The following SERINC5 variants were observed in gnomAD, a reference collection of about 807,000 sequenced individuals.
SERINC5 encodes serine incorporator 5.
A neutral mutation model predicts 63.1 loss-of-function variants in SERINC5; 41 were observed. The observed-to-expected ratio is 0.65, with a 90% CI of 0.51 to 0.84. The LOEUF is 0.84. SERINC5 is among the 40% of genes least tolerant of loss of function. SERINC5 has a pLI of 0.00. For synonymous variants in SERINC5, 222 were observed against 215.2 expected, an observed-to-expected ratio of 1.03 and a Z score of -0.28; for missense variants, 523 against 573.0, an observed-to-expected ratio of 0.91 and a Z score of 0.89.
At chr5:80,255,781 G>T (rs531395266) in intron 1 of SERINC5, 115 bp downstream of exon 1, 1 of 943,544 alleles carries the variant, frequency 1.1e-6, no homozygotes. Context: ...CGACCCACCC[G>T]GGCCCTACGT....
rs183941066 is a variant in SERINC5 at position 80,196,784 on chromosome 5, T to C, written c.195+6102A>G. On this transcript the variant is annotated intron_variant, in intron 2 of 11. Coordinates refer to ENST00000507668, the MANE Select transcript of SERINC5 (RefSeq NM_001174072.3). ...TGAAACCCTGTCTCTACCAAAAATA[T>C]AAAAAATTAACCGGGCCTGGTAGTG... 6.9e-3 allele frequency among the ~76,000 whole-genome samples: 1,044 copies of C among 150,914 alleles called. 13 individuals are homozygous for C. The highest frequency in any genetic ancestry group is 8.2e-3 in the Non-Finnish European group (557 of 67,668).
intron 12 of SERINC5, among the ~76,000 whole-genome samples, chr5:80,112,203 G>C (rs1399126737): frequency 6.6e-6 from 1 of 152,164 alleles, no homozygotes; most frequent in African/African-American, 2.4e-5. Context: ...GAATGTCTCG[G>C]TATAAAACCC....
At chr5:80,187,837 G>T (rs142249456) in intron 2 of SERINC5, among the ~76,000 whole-genome samples, 106 of 152,330 alleles carry the variant, frequency 7.0e-4, no homozygotes, top group African/African-American at 2.3e-3. Flanking sequence ...TAAGCAGCCA[G>T]AAAGCAACTC....
At chr5:80,198,997 T>C (rs564316884) in intron 2 of SERINC5, among the ~76,000 whole-genome samples, 1 of 152,328 alleles carries the variant, frequency 6.6e-6, no homozygotes, top group African/African-American at 2.4e-5. Context: ...CTGCCACCAC[T>C]ACCTCTAGGC....
chr5:80,115,406 C>T (rs553635380), intron 11 of SERINC5, among the ~76,000 whole-genome samples: 1 of 152,150 alleles, frequency 6.6e-6, no homozygotes, highest in East Asian at 1.9e-4. Flanking sequence ...ACTGTAGTTG[C>T]TTATTATGAA....
intron 9 of SERINC5, among the ~76,000 whole-genome samples, chr5:80,149,155 T>G (rs1335586990): frequency 6.6e-6 from 1 of 152,158 alleles, no homozygotes; most frequent in East Asian, 1.9e-4. Context: ...AAGAAAAACA[T>G]CCTCTCTTAA....
intron 1 of SERINC5, among the ~76,000 whole-genome samples, chr5:80,241,726 A>C (rs978614673): frequency 2.6e-5 from 4 of 152,122 alleles, no homozygotes; most frequent in African/African-American, 9.7e-5. Context: ...AGGAATAAAA[A>C]AAAGAAGGGG....
intron 1 of SERINC5, among the ~76,000 whole-genome samples, chr5:80,233,805 CTTT>C (rs373920343): frequency 0.013 from 888 of 69,746 alleles, 1 homozygote; most frequent in African/African-American, 0.052. Context: ...TCAACTTTTA[CTTT>C]TTTTTTTTTT....
intron 11 of SERINC5, chr5:80,128,881 T>C (rs1460733869): frequency 6.6e-6 from 1 of 152,240 alleles, no homozygotes; most frequent in African/African-American, 2.4e-5. Flanking sequence ...CTTCCACAAT[T>C]GCTCCTCTGC....
chr5:80,209,688 GGTT>G (rs1750341054), intron 1 of SERINC5, among the ~76,000 whole-genome samples: 1 of 152,112 alleles, frequency 6.6e-6, no homozygotes. Flanking sequence ...CTCCTGGTTG[GGTT>G]TTTACCATGT....
At chr5:80,121,373 T>A (rs1744536845) in intron 11 of SERINC5, among the ~76,000 whole-genome samples, 1 of 152,128 alleles carries the variant, frequency 6.6e-6, no homozygotes, top group African/African-American at 2.4e-5. Flanking sequence ...AGAGTTGGTG[T>A]GGTGGTGAGG....
At chr5:80,111,480 G>A (rs1387477876), downstream of SERINC5, among the ~76,000 whole-genome samples, 1 of 152,204 alleles carries the variant, frequency 6.6e-6, no homozygotes, top group Non-Finnish European at 1.5e-5. Flanking sequence ...GGCTTTGGGT[G>A]CTATCAACCA....
intron 1 of SERINC5, among the ~76,000 whole-genome samples, chr5:80,222,868 C>T (rs1311475857): frequency 1.3e-5 from 2 of 151,814 alleles, no homozygotes; most frequent in African/African-American, 4.8e-5. Flanking sequence ...GCCACCATAC[C>T]GGCCAGTTTT....
chr5:80,133,187 AGCCGAGCAGAT>A lies in SERINC5; in HGVS notation c.1238+12892_1238+12902del, dbSNP rs539371008. ...AAAAGCTCACTGAGGCCTCTCCAGA[AGCCGAGCAGAT>A]GCCAGTACCAATGCTTATACTGCCT... On this transcript the variant is annotated intron_variant, in intron 11 of 12. Transcript: ENST00000509193. Among the ~76,000 whole-genome samples, 46 of 152,318 alleles carry A rather than the reference AGCCGAGCAGAT, an allele frequency of 3.0e-4. No individual in the cohort carries two copies. In the East Asian group the frequency reaches 8.9e-3, roughly 29 times the overall value.
downstream of SERINC5, among the ~76,000 whole-genome samples, chr5:80,137,617 T>C (rs1410740243): frequency 7.4e-6 from 1 of 135,938 alleles, no homozygotes; most frequent in African/African-American, 2.7e-5. Flanking sequence ...CACTCCAGCT[T>C]GGGCGACCAA....
intron 2 of SERINC5, among the ~76,000 whole-genome samples, chr5:80,178,893 TACAC>T (rs1330366436): frequency 6.6e-6 from 1 of 152,126 alleles, no homozygotes; most frequent in African/African-American, 2.4e-5. Flanking sequence ...TACATATACA[TACAC>T]AACACACATA....
Position 80,188,996 on chromosome 5 carries a change from T to C in SERINC5, c.196-10932A>G, listed in dbSNP as rs565478523. Among the ~76,000 whole-genome samples the C allele has an allele frequency of 3.7e-3, 564 of 152,326 alleles. 5 individuals are homozygous for C. Among genetic ancestry groups the C allele is most frequent in the South Asian group, 0.014 (69 of 4,824 alleles). ...CTAATTTAGTTTGTTATCCTGCTGA[T>C]AGGCATTTAGTTTTTTTCTGATTTT... On this transcript the variant is annotated intron_variant, in intron 2 of 11. Coordinates refer to ENST00000507668, the MANE Select transcript of SERINC5 (RefSeq NM_001174072.3).
chr5:80,209,012 T>C (rs58066027), intron 1 of SERINC5, among the ~76,000 whole-genome samples: 3,189 of 152,292 alleles, frequency 0.021, 117 homozygotes, highest in African/African-American at 0.073. Flanking sequence ...GGATCACGCA[T>C]GTAATCCCAA....
chr5:80,235,063 T>C (rs1381868771), intron 1 of SERINC5, among the ~76,000 whole-genome samples: 1 of 152,198 alleles, frequency 6.6e-6, no homozygotes, highest in Non-Finnish European at 1.5e-5. Context: ...TGAATCGCTA[T>C]ACCCACTAAA....
Sources: gnomAD v4.1 joint callset for allele counts (sites outside exome capture counted in the v4.1 genomes callset) on GRCh38, gnomAD v4.1.1 for gene constraint, MANE v1.5 for transcripts, NCBI Gene and HGNC (gene_info 2026-07-23, HGNC 2026-07-21) for gene names.